The following RICTOR variants were observed in gnomAD, a reference collection of about 807,000 sequenced individuals.
RICTOR encodes rapamycin-insensitive companion of mTOR.
A neutral mutation model predicts 214.9 loss-of-function variants in RICTOR; 49 were observed. That is an observed-to-expected ratio of 0.23 (90% confidence interval 0.18 to 0.29). RICTOR has a LOEUF of 0.29. RICTOR is among the 10% of genes least tolerant of loss of function. The pLI is 1.00. For missense variants in RICTOR, 1,625 were observed against 2,047.0 expected (o/e 0.79, Z 3.98); for synonymous variants, 717 against 711.3 (o/e 1.01, Z -0.13).
chr5:38,963,069 C>T lies in RICTOR; in HGVS notation c.1401-28G>A, dbSNP rs748668406. 1.4e-5 allele frequency: 22 copies of T among 1,550,482 alleles called. No individual in the cohort carries two copies. In the East Asian group the frequency reaches 2.5e-4, roughly 17 times the overall value. ...AATGAGAAAAACAATTCAATCAATA[C>T]AGTAGCAAGACCAATATAATTTAAG... is the stretch of plus-strand genomic sequence containing the variant. On this transcript the variant is annotated intron_variant, in intron 16 of 37. Coordinates refer to ENST00000357387, the MANE Select transcript of RICTOR (RefSeq NM_152756.5).
intron 10 of RICTOR, among the ~76,000 whole-genome samples, chr5:38,974,144 G>A (rs1215537603): frequency 6.6e-6 from 1 of 151,746 alleles, no homozygotes; most frequent in African/African-American, 2.4e-5. Context: ...CCGCCTCCTG[G>A]GTTCAAGCAA....
rs1197101122 is a variant in RICTOR at position 38,938,983 on chromosome 5, AG to A, written c.*3320del. The A allele has an allele frequency of 4.3e-6, 1 of 233,040 alleles. No homozygotes were observed. The highest frequency in any genetic ancestry group is 2.2e-5 in the African/African-American group (1 of 45,336). The allele number at this position is 233,040 out of a possible 1,614,324, so 14.4% of individuals were successfully genotyped here. A position where few individuals can be genotyped will look rare whatever the true frequency, so the allele number is the denominator to read the frequency against. On this transcript the variant is annotated 3_prime_UTR_variant, in exon 38 of 38. Coordinates refer to ENST00000357387, the MANE Select transcript of RICTOR (RefSeq NM_152756.5). ...AAAAGTGGAAGCATAAGACTAAAGG[AG>A]AAAAAACCTTACTTCCAAAGAACAT...
At chr5:38,965,396 C>T (rs1183905447) in intron 15 of RICTOR, among the ~76,000 whole-genome samples, 1 of 151,964 alleles carries the variant, frequency 6.6e-6, no homozygotes, top group Non-Finnish European at 1.5e-5. Flanking sequence ...AACCTCACCA[C>T]CCAACCAGCT....
intron 7 of RICTOR, among the ~76,000 whole-genome samples, chr5:38,985,392 T>C (rs1344834776): frequency 6.6e-6 from 1 of 152,168 alleles, no homozygotes; most frequent in African/African-American, 2.4e-5. Flanking sequence ...CTGCGGATGG[T>C]TCAATCCACA....
At chr5:39,002,169 C>CAAAAAAAA (rs70982532) in intron 5 of RICTOR, among the ~76,000 whole-genome samples, 1 of 122,558 alleles carries the variant, frequency 8.2e-6, no homozygotes, top group African/African-American at 3.1e-5. Context: ...TGTTACACAG[C>CAAAAAAAA]AAAAAAAAAA....
chr5:39,014,235 G>A (rs112098988), intron 3 of RICTOR, among the ~76,000 whole-genome samples: 6 of 152,130 alleles, frequency 3.9e-5, no homozygotes, highest in South Asian at 4.1e-4. Context: ...AATAAATTAC[G>A]TATAACTGTA....
chr5:38,958,596 AC>A (rs1749520354), intron 23 of RICTOR, 70 bp downstream of exon 23: 2 of 1,509,714 alleles, frequency 1.3e-6, no homozygotes, highest in Non-Finnish European at 1.8e-6. Context: ...CCTATTATAT[AC>A]TTTTACATAA....
intron 2 of RICTOR, among the ~76,000 whole-genome samples, chr5:39,041,697 T>G (rs144364812): frequency 6.6e-6 from 1 of 152,074 alleles, no homozygotes; most frequent in Non-Finnish European, 1.5e-5. Context: ...CAAGTACAGA[T>G]TTGGGGGAAA....
intron 3 of RICTOR, among the ~76,000 whole-genome samples, chr5:39,006,705 G>A (rs564231491): frequency 2.6e-4 from 5 of 19,290 alleles, no homozygotes; most frequent in African/African-American, 8.0e-4. Context: ...AGGGAGAGGA[G>A]GGGAGAGGAG....
intron 15 of RICTOR, among the ~76,000 whole-genome samples, chr5:38,966,117 CAA>C: frequency 6.6e-6 from 1 of 151,722 alleles, no homozygotes; most frequent in Non-Finnish European, 1.5e-5. Context: ...ACAAAAAAAA[CAA>C]AACAAAACAA....
At chr5:38,987,665 GATTC>G (rs201537191) in intron 7 of RICTOR, among the ~76,000 whole-genome samples, 1,938 of 151,978 alleles carry the variant, frequency 0.013, 42 homozygotes, top group African/African-American at 0.045. Flanking sequence ...CCAGCTCCTG[GATTC>G]ATTCGTTTTT....
chr5:38,960,227 T>A, intron 20 of RICTOR, among the ~76,000 whole-genome samples, 171 bp downstream of exon 20: 1 of 149,340 alleles, frequency 6.7e-6, no homozygotes, highest in Middle Eastern at 3.2e-3. Flanking sequence ...GTCTCATAAC[T>A]AGTGACTAAG....
chr5:38,953,863 T>A (rs1409660254), intron 27 of RICTOR, among the ~76,000 whole-genome samples: 1 of 151,822 alleles, frequency 6.6e-6, no homozygotes, highest in East Asian at 1.9e-4. Flanking sequence ...AATAAATTAT[T>A]GCACATACAG....
At chr5:39,030,370 T>A (rs1023066718) in intron 2 of RICTOR, among the ~76,000 whole-genome samples, 1 of 152,180 alleles carries the variant, frequency 6.6e-6, no homozygotes, top group South Asian at 2.1e-4. Flanking sequence ...CAGGCCACTA[T>A]GTTGTCATAA....
intron 2 of RICTOR, among the ~76,000 whole-genome samples, chr5:39,059,393 G>T (rs1392358513): frequency 6.6e-6 from 1 of 152,170 alleles, no homozygotes; most frequent in Non-Finnish European, 1.5e-5. Flanking sequence ...AAACAGAATG[G>T]GAGCTTCCAG....
At chr5:38,952,954 A>G in intron 29 of RICTOR, 31 bp downstream of exon 29, 1 of 1,328,422 alleles carries the variant, frequency 7.5e-7, no homozygotes, top group Non-Finnish European at 1.1e-6. Flanking sequence ...CAACGTCTAC[A>G]TTAGAAAGAT....
In RICTOR at chr5:38,953,404, A is replaced by C. The variant is rs1266997185; in HGVS notation, c.2790+57T>G. On this transcript the variant is annotated intron_variant, in intron 28 of 37. Coordinates refer to ENST00000357387, the MANE Select transcript of RICTOR (RefSeq NM_152756.5). ...TATTTATCTATTTAGTATAAATGAA[A>C]AAAAAACTTAAAAATCTAAAAATTG... 5.3e-6 allele frequency: 4 copies of C among 758,628 alleles called. No individual in the cohort carries two copies. In the East Asian group the frequency reaches 1.1e-4, roughly 21 times the overall value. 47.0% of individuals were successfully genotyped at this position (758,628 alleles called of 1,614,324 possible). A position where few individuals can be genotyped will look rare whatever the true frequency, so the allele number is the denominator to read the frequency against.
Position 39,073,743 on chromosome 5 carries a change from C to A in RICTOR, c.97+368G>T, listed in dbSNP as rs891126600. On this transcript the variant is annotated intron_variant, in intron 2 of 37. Coordinates refer to ENST00000357387, the MANE Select transcript of RICTOR (RefSeq NM_152756.5). ...CATCCTCCTGCAACCTAAATAACAG[C>A]CTCTACCTCCCTCCAGCTGCCCCTA... 2.0e-5 allele frequency among the ~76,000 whole-genome samples: 3 copies of A among 152,282 alleles called. No individual in the cohort carries two copies. The South Asian group carries it at 6.2e-4, about 32-fold the overall frequency.
chr5:38,973,279 C>G (rs1428420373), intron 10 of RICTOR, among the ~76,000 whole-genome samples: 1 of 152,068 alleles, frequency 6.6e-6, no homozygotes, highest in Non-Finnish European at 1.5e-5. Flanking sequence ...AATCTCTCCC[C>G]CCGACAACAA....
Sources: allele counts gnomAD v4.1 joint callset (sites outside exome capture counted in the v4.1 genomes callset), GRCh38; gene constraint gnomAD v4.1.1; transcripts MANE v1.5; gene names NCBI Gene and HGNC (gene_info 2026-07-23, HGNC 2026-07-21).